Variants in ULK4 observed in about 807,000 individuals in gnomAD.
ULK4 encodes the protein unc-51 like kinase 4, also known as inactive serine/threonine-protein kinase ULK4.
A neutral mutation model predicts 160.6 loss-of-function variants in ULK4; 133 were observed. That is an observed-to-expected ratio of 0.83 (90% CI 0.72 to 0.96). The LOEUF (loss-of-function observed/expected upper bound fraction) is 0.96, where lower values mean the gene tolerates loss of function less well. Ranked by LOEUF, ULK4 falls within the 40% of genes least tolerant of loss-of-function variation. ULK4 has a pLI of 0.00. For synonymous variants in ULK4, 534 were observed against 539.8 expected, an observed-to-expected ratio of 0.99 and a Z score of 0.15; for missense variants, 1,580 against 1,499.5, an observed-to-expected ratio of 1.05 and a Z score of -0.89.
intron 32 of ULK4, among the ~76,000 whole-genome samples, chr3:41,547,373 G>C (rs957307412): frequency 6.6e-6 from 1 of 152,126 alleles, no homozygotes; most frequent in Non-Finnish European, 1.5e-5. Context: ...GGAAGGGACA[G>C]GGAACATCTG....
intron 33 of ULK4, among the ~76,000 whole-genome samples, chr3:41,456,579 G>A (rs887411590): frequency 2.0e-5 from 3 of 152,142 alleles, no homozygotes; most frequent in Admixed American, 6.5e-5. Context: ...GTGTCTTCTC[G>A]CAGGGGTTTT....
intron 31 of ULK4, among the ~76,000 whole-genome samples, chr3:41,600,191 C>A (rs1367857952): frequency 6.6e-6 from 1 of 152,170 alleles, no homozygotes; most frequent in Non-Finnish European, 1.5e-5. Flanking sequence ...CTATCCACCA[C>A]CACTCCTCCT....
chr3:41,797,433 A>C (rs545196611), intron 20 of ULK4, among the ~76,000 whole-genome samples: 1 of 152,322 alleles, frequency 6.6e-6, no homozygotes, highest in African/African-American at 2.4e-5. Context: ...AGGTTTAATG[A>C]GGAAACACAG....
intron 32 of ULK4, among the ~76,000 whole-genome samples, chr3:41,563,162 T>C (rs969841988): frequency 6.6e-6 from 1 of 152,220 alleles, no homozygotes; most frequent in Non-Finnish European, 1.5e-5. Context: ...AAAATTCTTT[T>C]CTTTAAGAAT....
intron 30 of ULK4, among the ~76,000 whole-genome samples, chr3:41,660,837 G>T (rs564295904): frequency 5.9e-5 from 9 of 152,110 alleles, no homozygotes; most frequent in Non-Finnish European, 1.0e-4. Context: ...ATAAGACAAA[G>T]GTAGCATTTA....
chr3:41,748,165 C>T (rs1336041314), intron 22 of ULK4, among the ~76,000 whole-genome samples: 1 of 150,898 alleles, frequency 6.6e-6, no homozygotes, highest in Non-Finnish European at 1.5e-5. Flanking sequence ...TATATACACA[C>T]ACACATACAC....
intron 32 of ULK4, among the ~76,000 whole-genome samples, chr3:41,543,507 C>T (rs183983627): frequency 2.0e-5 from 3 of 152,258 alleles, no homozygotes; most frequent in African/African-American, 4.8e-5. Flanking sequence ...TCTCCAAATA[C>T]AGTCCTCTGG....
chr3:41,715,632 T>C, intron 23 of ULK4, 64 bp from the exon 24 acceptor site: 1 of 1,603,990 alleles, frequency 6.2e-7, no homozygotes. Flanking sequence ...GAGCCACTGG[T>C]CATTGCTTGA....
At chr3:41,468,886 G>A (rs1425600689) in intron 32 of ULK4, among the ~76,000 whole-genome samples, 1 of 152,132 alleles carries the variant, frequency 6.6e-6, no homozygotes, top group African/African-American at 2.4e-5. Context: ...CTGGGATTAG[G>A]CAGAAACAAA....
intron 32 of ULK4, among the ~76,000 whole-genome samples, chr3:41,550,726 C>T (rs1296145612): frequency 1.3e-5 from 2 of 151,814 alleles, no homozygotes; most frequent in Non-Finnish European, 2.9e-5. Context: ...GACAGATAAT[C>T]GAGACAGAAA....
At chr3:41,832,087 A>G (rs1235263355) in intron 18 of ULK4, among the ~76,000 whole-genome samples, 3 of 152,154 alleles carry the variant, frequency 2.0e-5, no homozygotes, top group Non-Finnish European at 4.4e-5. Flanking sequence ...GCTGGGTCAA[A>G]TGGTATTTCT....
chr3:41,830,504 G>T (rs926086502), intron 18 of ULK4, among the ~76,000 whole-genome samples: 1 of 151,954 alleles, frequency 6.6e-6, no homozygotes, highest in African/African-American at 2.4e-5. Flanking sequence ...TTCATTTTCT[G>T]TATGTAGTGA....
chr3:41,249,117 C>T (rs1198975252), intron 36 of ULK4, among the ~76,000 whole-genome samples: 3 of 152,234 alleles, frequency 2.0e-5, no homozygotes, highest in Non-Finnish European at 4.4e-5. Flanking sequence ...GGCTGGGCTG[C>T]TGATGGGGGC....
chr3:41,563,398 C>G (rs2087672144), intron 32 of ULK4, among the ~76,000 whole-genome samples: 1 of 152,054 alleles, frequency 6.6e-6, no homozygotes, highest in Non-Finnish European at 1.5e-5. Context: ...AATTTGAATG[C>G]TGGCCTGCCT....
rs1267058543 is a variant in ULK4, at chr3:41,705,077, A to G, written c.2761T>C (p.Leu921=). 2 of 1,612,342 alleles carry G rather than the reference A, an allele frequency of 1.2e-6. No homozygotes were observed. Among genetic ancestry groups the G allele is most frequent in the Middle Eastern group, 1.7e-4 (1 of 6,036 alleles). The change falls in exon 27 of 37, where the codon TTG becomes CTG. Residue 921 remains leucine (L), a synonymous_variant. Transcript: ENST00000301831. ...CTGACCGTGGAGCGATAGTCTTTCA[A>G]TAAAATAGGATACTGTATTATTGCT... is the stretch of plus-strand genomic sequence containing the variant. ...FEAIIQYPIL[L]KDYRSTVVDY...
At chr3:41,352,419 T>C (rs745435163) in intron 35 of ULK4, among the ~76,000 whole-genome samples, 1 of 152,202 alleles carries the variant, frequency 6.6e-6, no homozygotes, top group Non-Finnish European at 1.5e-5. Flanking sequence ...GGATTTGCAA[T>C]TCATAAAAGA....
At chr3:41,612,770 A>G (rs942750628) in intron 31 of ULK4, among the ~76,000 whole-genome samples, 4 of 152,202 alleles carry the variant, frequency 2.6e-5, no homozygotes, top group Non-Finnish European at 4.4e-5. Context: ...ACTACAGGAA[A>G]AAAACAGAGA....
intron 21 of ULK4, among the ~76,000 whole-genome samples, chr3:41,785,560 AAT>A (rs927173235): frequency 1.3e-5 from 2 of 152,188 alleles, no homozygotes; most frequent in Admixed American, 1.3e-4. Context: ...AAAAGACCAT[AAT>A]ATATGAGCGT....
intron 21 of ULK4, among the ~76,000 whole-genome samples, chr3:41,784,432 CA>C (rs1289732617): frequency 2.0e-5 from 3 of 150,660 alleles, no homozygotes; most frequent in South Asian, 2.1e-4. Flanking sequence ...AACTCCGTCT[CA>C]AAAAAAAAGT....
Sources: allele counts gnomAD v4.1 joint callset (sites outside exome capture counted in the v4.1 genomes callset), GRCh38; gene constraint gnomAD v4.1.1; transcripts MANE v1.5; gene names NCBI Gene and HGNC (gene_info 2026-07-23, HGNC 2026-07-21).